The following CPEB1 variants were observed in gnomAD, a reference collection of about 807,000 sequenced individuals.
CPEB1 encodes cytoplasmic polyadenylation element binding protein 1, also known as cytoplasmic polyadenylation element-binding protein 1.
In CPEB1, 7 loss-of-function variants were observed where a neutral mutation model predicts 65.8. That is an observed-to-expected ratio of 0.11 (90% confidence interval 0.06 to 0.20). The LOEUF (loss-of-function observed/expected upper bound fraction) is 0.20. Ranked by LOEUF, CPEB1 falls within the 10% of genes least tolerant of loss-of-function variation. The pLI is 1.00. For synonymous variants in CPEB1, 262 were observed against 260.0 expected, an observed-to-expected ratio of 1.01 and a Z score of -0.08; for missense variants, 551 against 712.2, an observed-to-expected ratio of 0.77 and a Z score of 2.58.
chr15:82,591,726 G>C (rs2042269155), intron 3 of CPEB1, among the ~76,000 whole-genome samples: 1 of 151,738 alleles, frequency 6.6e-6, no homozygotes, highest in African/African-American at 2.4e-5. Context: ...TCTATTTTCT[G>C]TCTCTACAGA....
At chr15:82,612,065 A>G (rs1567221129) in intron 3 of CPEB1, among the ~76,000 whole-genome samples, 1 of 152,054 alleles carries the variant, frequency 6.6e-6, no homozygotes, top group African/African-American at 2.4e-5. Context: ...ATACAAAAAA[A>G]TAAGATAAAA....
intron 1 of CPEB1, among the ~76,000 whole-genome samples, chr15:82,636,879 A>G (rs2046704584): frequency 6.6e-6 from 1 of 152,194 alleles, no homozygotes; most frequent in Admixed American, 6.5e-5. Flanking sequence ...CATCAAGAGA[A>G]ATATTCATCA....
In CPEB1 at chr15:82,543,461, TAAA is replaced by T. The variant is rs803695; in HGVS notation, c.*1128_*1130del. Reference sequence around the variant, plus strand: ...TTTTTGTGGGTTTTTTGTTTCTTTTTAAAAAAAAAAAAAAAAAAAAAAAGGAAA... The same window carrying T: ...TTTTTGTGGGTTTTTTGTTTCTTTTTAAAAAAAAAAAAAAAAAAAAGGAAA... On this transcript the variant is annotated 3_prime_UTR_variant, in exon 13 of 13. Coordinates refer to ENST00000684509, the MANE Select transcript of CPEB1 (RefSeq NM_001365242.1). 0.016 allele frequency: 2,084 copies of T among 131,936 alleles called. 66 individuals carry two copies. The highest frequency in any genetic ancestry group is 0.057 in the African/African-American group (1,872 of 32,938). 8.2% of individuals were successfully genotyped at this position (131,936 alleles called of 1,614,324 possible).
intron 3 of CPEB1, among the ~76,000 whole-genome samples, chr15:82,599,536 A>G (rs1022714238): frequency 2.0e-5 from 3 of 152,258 alleles, no homozygotes; most frequent in Middle Eastern, 3.4e-3. Flanking sequence ...AAAACAAACA[A>G]CAACAAGCGG....
intron 1 of CPEB1, among the ~76,000 whole-genome samples, chr15:82,644,331 G>A (rs2047329629): frequency 6.6e-6 from 1 of 152,176 alleles, no homozygotes; most frequent in Non-Finnish European, 1.5e-5. Flanking sequence ...TGACATAACA[G>A]AACACACATA....
chr15:82,598,772 G>A (rs1318584359), intron 3 of CPEB1, among the ~76,000 whole-genome samples: 23 of 152,052 alleles, frequency 1.5e-4, no homozygotes, highest in South Asian at 2.1e-4. Context: ...GTGACAGAGC[G>A]AGACTCCATC....
chr15:82,600,897 C>CTTTTTT (rs751843256), intron 3 of CPEB1, among the ~76,000 whole-genome samples: 14 of 64,180 alleles, frequency 2.2e-4, no homozygotes, highest in African/African-American at 4.9e-4. Flanking sequence ...CAGAACTTGT[C>CTTTTTT]TTTTTTTTTT....
intron 5 of CPEB1, among the ~76,000 whole-genome samples, chr15:82,557,326 C>A (rs2037388754): frequency 6.6e-6 from 1 of 152,202 alleles, no homozygotes; most frequent in Non-Finnish European, 1.5e-5. Context: ...AAAATCCTAT[C>A]TCTGCTAATT....
At chr15:82,616,358 G>A (rs1180873024) in intron 3 of CPEB1, among the ~76,000 whole-genome samples, 1 of 152,040 alleles carries the variant, frequency 6.6e-6, no homozygotes, top group Admixed American at 6.6e-5. Context: ...GGATGGGAAG[G>A]AAATATACCA....
intron 4 of CPEB1, chr15:82,562,253 A>T: frequency 2.2e-6 from 1 of 454,132 alleles, no homozygotes. Context: ...CATCAACTAC[A>T]GACTACTGAT....
In CPEB1 at chr15:82,615,186, G is replaced by GAAACGGACAGTTTT. The variant is rs1292102025; in HGVS notation, c.271+12006_271+12007insAAAACTGTCCGTTT. On this transcript the variant is annotated intron_variant, in intron 3 of 12. Transcript: ENST00000684509. ...CCCTATCTTTGTTTGGGTTTATTAT[G>GAAACGGACAGTTTT]AAACGGACAATGTTTTTTCAAAACT... 2.0e-5 allele frequency among the ~76,000 whole-genome samples: 3 copies of GAAACGGACAGTTTT among 152,122 alleles called. No homozygotes were observed. The South Asian group carries it at 6.2e-4, about 31-fold the overall frequency.
intron 1 of CPEB1, among the ~76,000 whole-genome samples, chr15:82,631,980 CTCTT>C (rs1422338354): frequency 1.0e-5 from 1 of 95,312 alleles, no homozygotes; most frequent in Non-Finnish European, 2.1e-5. Context: ...TTATTTTTTT[CTCTT>C]TTTTTTTTTT....
Position 82,555,953 on chromosome 15 carries a change from A to G in CPEB1, c.857T>C (p.Val286Ala). Residue 286 changes from valine to alanine, a missense_variant, in exon 6 of 13, where the codon GTG becomes GCG. By Grantham distance (64) the Val-to-Ala change is moderately conservative. Coordinates refer to ENST00000684509, the MANE Select transcript of CPEB1 (RefSeq NM_001365242.1). ...SASKRWPGAS[V>A]WPSWDLLEAP... ...TTCGAGGAGGTCCCAGGATGGCCAC[A>G]CAGAAGCTCCTGGCCATCTCTTTGA... The G allele has an allele frequency of 2.5e-6, 4 of 1,613,564 alleles. No individual in the cohort carries two copies. The highest frequency in any genetic ancestry group is 3.4e-6 in the Non-Finnish European group (4 of 1,179,788).
chr15:82,631,136 T>C (rs935066913), intron 1 of CPEB1, among the ~76,000 whole-genome samples: 3 of 151,976 alleles, frequency 2.0e-5, no homozygotes, highest in Non-Finnish European at 4.4e-5. Flanking sequence ...AGGTATTCCT[T>C]AGGAGAGGAA....
chr15:82,549,368 G>C (rs1327603488), intron 10 of CPEB1, 92 bp downstream of exon 10: 13 of 1,334,466 alleles, frequency 9.7e-6, no homozygotes, highest in Admixed American at 1.8e-5. Context: ...CCTGGGTCAG[G>C]CCTCTCTCCT....
intron 3 of CPEB1, chr15:82,572,900 G>T: frequency 1.2e-6 from 1 of 812,268 alleles, no homozygotes; most frequent in Non-Finnish European, 1.8e-6. Flanking sequence ...TTTCCTCTTT[G>T]CCATCTCCTC....
At chr15:82,637,851 C>G (rs1300991290) in intron 1 of CPEB1, 4 of 337,806 alleles carry the variant, frequency 1.2e-5, no homozygotes, top group Non-Finnish European at 2.4e-5. Context: ...TTTAATTACT[C>G]AAGAGCTTTT....
intron 3 of CPEB1, among the ~76,000 whole-genome samples, chr15:82,609,614 TC>T (rs1370301043): frequency 2.0e-5 from 3 of 148,862 alleles, no homozygotes; most frequent in African/African-American, 7.4e-5. Context: ...AAGATTAAAG[TC>T]GAAATAATGT....
chr15:82,623,403 T>C (rs1162127399), intron 3 of CPEB1, among the ~76,000 whole-genome samples: 1 of 152,192 alleles, frequency 6.6e-6, no homozygotes, highest in Non-Finnish European at 1.5e-5. Flanking sequence ...CCCAGCCAGG[T>C]GCGGTGGCTC....
Sources: allele counts gnomAD v4.1 joint callset (sites outside exome capture counted in the v4.1 genomes callset), GRCh38; gene constraint gnomAD v4.1.1; transcripts MANE v1.5; gene names NCBI Gene and HGNC (gene_info 2026-07-23, HGNC 2026-07-21).